Variants in AMZ1 observed in about 807,000 individuals in gnomAD.
AMZ1 encodes archaelysin family metallopeptidase 1.
A neutral mutation model predicts 29.9 loss-of-function variants in AMZ1; 39 were observed. That is an observed-to-expected ratio of 1.30 (90% CI 1.01 to 1.70). The LOEUF (loss-of-function observed/expected upper bound fraction) is 1.70. AMZ1 is among the 40% of genes most tolerant of loss of function. The pLI is 0.00. For synonymous variants in AMZ1, 458 were observed against 304.0 expected (o/e 1.51, Z -5.27); for missense variants, 1,041 against 680.6 (o/e 1.53, Z -5.89).
At chr7:2,726,831 G>A (rs537314349) in intron 4 of AMZ1, among the ~76,000 whole-genome samples, 66 of 152,314 alleles carry the variant, frequency 4.3e-4, no homozygotes, top group African/African-American at 1.5e-3. Flanking sequence ...CGGTGCCCTT[G>A]CTTCCTGTGA....
intron 4 of AMZ1, among the ~76,000 whole-genome samples, chr7:2,735,177 GC>G (rs1202554990): frequency 6.6e-5 from 10 of 152,154 alleles, no homozygotes; most frequent in Admixed American, 6.5e-4. Flanking sequence ...CTGCTCTCCT[GC>G]CCTCCCCTGG....
At chr7:2,744,701 TCAGA>T (rs956773227) in intron 4 of AMZ1, among the ~76,000 whole-genome samples, 1 of 152,060 alleles carries the variant, frequency 6.6e-6, no homozygotes, top group Non-Finnish European at 1.5e-5. Context: ...AAAGAAGGCT[TCAGA>T]CAATCAAACT....
upstream of AMZ1, chr7:2,763,100 C>T (rs1791646159): frequency 8.0e-7 from 1 of 1,251,130 alleles, no homozygotes; most frequent in Non-Finnish European, 1.0e-6. Flanking sequence ...AGACCACAAG[C>T]AGCCTCTGAA....
intron 6 of AMZ1, 68 bp from the exon 7 acceptor site, chr7:2,712,244 CCCTTAGGTAAGGAGGTCT>C: frequency 1.4e-6 from 2 of 1,398,238 alleles, no homozygotes; most frequent in Non-Finnish European, 1.9e-6. Context: ...CGGTGGGGTC[CCCTTAGGTAAGGAGGTCT>C]CCTGGCAGTT....
At position 2,712,479 on chromosome 7, in the gene AMZ1, G is replaced by A. The variant is rs1224035313; in HGVS notation, c.1098G>A (p.Glu366=). ...SDSEPGTSVS[E]PLTPDAGSHT... ...CGGAGCCCGGCACCAGTGTGTCGGAGCCCCTCACCCCTGATGCCGGGAGTC... is the reference window on the plus strand; with the variant it reads ...CGGAGCCCGGCACCAGTGTGTCGGAACCCCTCACCCCTGATGCCGGGAGTC... Residue 366 remains glutamate, a synonymous_variant, in exon 7 of 7, where the codon GAG becomes GAA. Transcript: ENST00000683327. 6.2e-7 allele frequency: 1 copy of A among 1,610,726 alleles called. No individual in the cohort carries two copies. Among genetic ancestry groups the A allele is most frequent in the Non-Finnish European group, 8.5e-7 (1 of 1,179,418 alleles).
In AMZ1 at chr7:2,718,409, C is replaced by T. The variant is rs1009723454; in HGVS notation, c.*5531C>T. On this transcript the variant is annotated 3_prime_UTR_variant, in exon 7 of 7. Coordinates refer to ENST00000683327, the MANE Select transcript of AMZ1 (RefSeq NM_001384743.1). Reference sequence around the variant, plus strand: ...TCCAAGACCATCTCCCGTTCAAGGGCCCTCACCGCGCTTTGTGAGTCTGTC... The same window carrying T: ...TCCAAGACCATCTCCCGTTCAAGGGTCCTCACCGCGCTTTGTGAGTCTGTC... 2.0e-5 allele frequency among the ~76,000 whole-genome samples: 3 copies of T among 152,226 alleles called. No individual in the cohort carries two copies. Among genetic ancestry groups the T allele is most frequent in the Non-Finnish European group, 2.9e-5 (2 of 68,040 alleles).
intron 2 of AMZ1, chr7:2,702,023 C>G (rs1788082753): frequency 6.6e-6 from 1 of 152,482 alleles, no homozygotes; most frequent in African/African-American, 2.4e-5. Context: ...GGGCCAGGCT[C>G]TGCATTTCCC....
rs1788857394 is a variant in AMZ1, at chr7:2,712,534, C to T, written c.1153C>T (p.Leu385=). ...CTTCGCCTCGGGGCCAGAGGAAGGG[C>T]TGAGCTACCTGGCAGCCTCAGAGGC... ...HTFASGPEEG[L]SYLAASEAPL... is the part of the protein sequence containing the mutation. Residue 385 remains leucine, a synonymous_variant, in exon 7 of 7, where the codon CTG becomes TTG. Transcript: ENST00000683327. The T allele has an allele frequency of 6.2e-7, 1 of 1,608,438 alleles. No homozygotes were observed.
chr7:2,743,374 T>G (rs757856449), intron 4 of AMZ1, among the ~76,000 whole-genome samples: 6 of 152,148 alleles, frequency 3.9e-5, no homozygotes, highest in Non-Finnish European at 8.8e-5. Flanking sequence ...ATAATTAAAT[T>G]ATTCAAAATA....
intron 4 of AMZ1, among the ~76,000 whole-genome samples, chr7:2,724,826 C>T (rs988755643): frequency 2.6e-5 from 4 of 152,166 alleles, no homozygotes; most frequent in South Asian, 2.1e-4. Flanking sequence ...CTGCCGGGCG[C>T]GTGAGAGTCT....
chr7:2,720,612 C>G (rs184279027), downstream of AMZ1, among the ~76,000 whole-genome samples: 2 of 152,160 alleles, frequency 1.3e-5, no homozygotes, highest in Admixed American at 6.5e-5. Context: ...ACCGTGCTGG[C>G]CAGGCTGGTC....
At chr7:2,732,316 T>C (rs1476242513) in intron 4 of AMZ1, among the ~76,000 whole-genome samples, 1 of 152,138 alleles carries the variant, frequency 6.6e-6, no homozygotes, top group East Asian at 1.9e-4. Flanking sequence ...CTTTGGGAAG[T>C]GGGAGGAATA....
rs182306619 is a variant in AMZ1 at position 2,740,999 on chromosome 7, C to T, written n.551-23713C>T. ...GGCAGAGCTTGCAGTGAGCTGAGAT[C>T]GGGCCACTGCACTCCTGCCTGGGCG... On this transcript the variant is annotated intron_variant and non_coding_transcript_variant, in intron 4 of 4. Coordinates refer to the AMZ1 transcript ENST00000489665. Among the ~76,000 whole-genome samples, 167 of 152,268 alleles carry T rather than the reference C, an allele frequency of 1.1e-3. 1 individual carries two copies. The highest frequency in any genetic ancestry group is 3.7e-3 in the African/African-American group (155 of 41,558).
At position 2,716,615 on chromosome 7, in the gene AMZ1, C is replaced by G. The variant is rs533141689; in HGVS notation, c.*3737C>G. ...AGAACATTCCAGGGACACACCTACA[C>G]GCAGAGGGTCTCCATACAGTGCCAA... On this transcript the variant is annotated 3_prime_UTR_variant, in exon 7 of 7. Coordinates refer to ENST00000683327, the MANE Select transcript of AMZ1 (RefSeq NM_001384743.1). 1 of 152,212 alleles carries G rather than the reference C, an allele frequency of 6.6e-6. No homozygotes were observed. The highest frequency in any genetic ancestry group is 1.5e-5 in the Non-Finnish European group (1 of 68,040). The allele number at this position is 152,212 out of a possible 1,614,324, so 9.4% of individuals were successfully genotyped here.
intron 4 of AMZ1, chr7:2,730,408 C>G (rs1789827068): frequency 6.6e-6 from 1 of 152,532 alleles, no homozygotes; most frequent in South Asian, 2.1e-4. Flanking sequence ...CATCCTGTCT[C>G]ACTCCGTGTT....
At chr7:2,740,336 C>T (rs975329459) in intron 4 of AMZ1, among the ~76,000 whole-genome samples, 1 of 152,172 alleles carries the variant, frequency 6.6e-6, no homozygotes, top group East Asian at 1.9e-4. Flanking sequence ...AGGTAGGGAC[C>T]TCATGATACG....
At chr7:2,736,347 C>G (rs1395804202) in intron 4 of AMZ1, among the ~76,000 whole-genome samples, 2 of 152,132 alleles carry the variant, frequency 1.3e-5, no homozygotes, top group African/African-American at 4.8e-5. Flanking sequence ...CTACACCACT[C>G]AAGATTAACA....
intron 4 of AMZ1, among the ~76,000 whole-genome samples, chr7:2,757,072 C>T (rs932628875): frequency 1.3e-5 from 2 of 151,418 alleles, no homozygotes; most frequent in African/African-American, 4.9e-5. Context: ...GATACTCTGT[C>T]CCAAGGCGGG....
intron 4 of AMZ1, among the ~76,000 whole-genome samples, chr7:2,726,876 C>T (rs570334505): frequency 1.3e-4 from 20 of 152,238 alleles, no homozygotes; most frequent in African/African-American, 4.8e-4. Context: ...AACGATAACC[C>T]CAGGGGTTGT....
Sources: allele counts gnomAD v4.1 joint callset (sites outside exome capture counted in the v4.1 genomes callset), GRCh38; gene constraint gnomAD v4.1.1; transcripts MANE v1.5; gene names NCBI Gene and HGNC (gene_info 2026-07-23, HGNC 2026-07-21).